The following CLCN1 variants were observed in gnomAD, a reference collection of about 807,000 sequenced individuals.
The protein encoded by CLCN1 is chloride channel protein 1.
In CLCN1, 100 loss-of-function variants were observed where a neutral mutation model predicts 114.5. The observed-to-expected ratio is 0.87, with a 90% CI of 0.74 to 1.03. The LOEUF is 1.03. CLCN1 is among the 50% of genes least tolerant of loss of function. The pLI is 0.00. For synonymous variants in CLCN1, 485 were observed against 487.1 expected (o/e 1.00, Z 0.06); for missense variants, 1,188 against 1,250.0 (o/e 0.95, Z 0.75).
In CLCN1 at chr7:143,345,706, G is replaced by A. The variant is rs971824036; in HGVS notation, c.2116G>A (p.Glu706Lys). The change falls in exon 17 of 23, where the codon GAG (glutamate) becomes AAG (lysine). Residue 706 changes from glutamate to lysine, a missense_variant. Physicochemically the swap from Glu to Lys is moderately conservative, Grantham distance 56 (BLOSUM62 1). Transcript: ENST00000343257. ...GLPGAPPGRP[E>K]SFAFVDEDED... ...CCCCGGCGCGCCTCCAGGCCGGCCC[G>A]AGTCCTTCGCCTTTGTGGATGAGGA... 7.0e-6 allele frequency: 11 copies of A among 1,566,940 alleles called. No homozygotes were observed. The highest frequency in any genetic ancestry group is 2.4e-5 in the South Asian group (2 of 84,976).
In CLCN1 at chr7:143,321,485, A is replaced by G. The variant is rs1802432204; in HGVS notation, c.554A>G (p.Gln185Arg). ...CTCTTCTGCCACCTCATCTCTCCCCAGGCTGTTGGTGAGAACTTGCCACCA... is the reference window on the plus strand; with the variant it reads ...CTCTTCTGCCACCTCATCTCTCCCCGGGCTGTTGGTGAGAACTTGCCACCA... The part of the protein sequence containing the change: ...SALFCHLISP[Q>R]AVGSGIPEMK... The change falls in exon 4 of 23, where the codon CAG becomes CGG. Residue 185 changes from glutamine to arginine, a missense_variant. Gln to Arg is a conservative substitution (Grantham distance 43, BLOSUM62 1). Transcript: ENST00000343257. The surrounding 1 kb of genome is among the most constrained non-coding windows in gnomAD (Gnocchi z 4.2). 6.2e-7 allele frequency: 1 copy of G among 1,613,786 alleles called. No homozygotes were observed. Among genetic ancestry groups the G allele is most frequent in the Non-Finnish European group, 8.5e-7 (1 of 1,179,992 alleles).
chr7:143,319,748 T>C lies in CLCN1; in HGVS notation c.181-7T>C. 6.2e-7 allele frequency: 1 copy of C among 1,613,930 alleles called. No individual in the cohort carries two copies. Among genetic ancestry groups the C allele is most frequent in the African/African-American group, 1.3e-5 (1 of 75,042 alleles). On this transcript the variant is annotated splice_polypyrimidine_tract_variant and splice_region_variant and intron_variant, in intron 1 of 22. Coordinates refer to ENST00000343257, the MANE Select transcript of CLCN1 (RefSeq NM_000083.3). ...AGGCAGACACTGATCATTCTCTCTCTGTCCAGATTTATGGCCATCACAAAG... is the reference window on the plus strand; with the variant it reads ...AGGCAGACACTGATCATTCTCTCTCCGTCCAGATTTATGGCCATCACAAAG...
Position 143,324,708 on chromosome 7 carries a change from G to C in CLCN1, c.853+216G>C, listed in dbSNP as rs868808087. On this transcript the variant is annotated intron_variant, in intron 7 of 22. Transcript: ENST00000343257. This position sits in a 1 kb window ranked among gnomAD's most constrained non-coding sequence, Gnocchi z 4.6. Reference sequence around the variant, plus strand: ...CAGATATTACAGAGGAGGAAGAGGAGAGAACTGAGTTACAGAGAGGGACAG... The same window carrying C: ...CAGATATTACAGAGGAGGAAGAGGACAGAACTGAGTTACAGAGAGGGACAG... Among the ~76,000 whole-genome samples, 1 of 152,234 alleles carries C rather than the reference G, an allele frequency of 6.6e-6. No individual in the cohort carries two copies. Among genetic ancestry groups the C allele is most frequent in the Admixed American group, 6.5e-5 (1 of 15,278 alleles).
At chr7:143,346,697 G>C in intron 19 of CLCN1, 39 bp downstream of exon 19, 1 of 1,540,488 alleles carries the variant, frequency 6.5e-7, no homozygotes, top group East Asian at 2.2e-5. Context: ...GGGAAAGGGA[G>C]CCTGCCCTTG....
At chr7:143,351,255 T>C (rs1803391030) in intron 22 of CLCN1, among the ~76,000 whole-genome samples, 1 of 151,926 alleles carries the variant, frequency 6.6e-6, no homozygotes. Flanking sequence ...GTTCCAGGCA[T>C]GAGTCACAGT....
chr7:143,332,178 G>GGTC (rs984322887), intron 10 of CLCN1, among the ~76,000 whole-genome samples: 3 of 152,186 alleles, frequency 2.0e-5, no homozygotes, highest in African/African-American at 7.2e-5. Context: ...TGGCCAGGCT[G>GGTC]GTCTTGAACT....
chr7:143,349,121 T>TAAGGCCAC (rs1325141121), intron 20 of CLCN1, among the ~76,000 whole-genome samples: 2 of 152,140 alleles, frequency 1.3e-5, no homozygotes, highest in Non-Finnish European at 2.9e-5. Context: ...AAACGGAACA[T>TAAGGCCAC]AAGGCCACAG....
intron 14 of CLCN1, among the ~76,000 whole-genome samples, chr7:143,341,452 G>A (rs990425806): frequency 2.6e-5 from 4 of 151,906 alleles, no homozygotes; most frequent in Non-Finnish European, 2.9e-5. Flanking sequence ...CTGGCTACTC[G>A]GAAGACTGAG....
chr7:143,341,868 T>G, intron 14 of CLCN1, 61 bp from the exon 15 acceptor site: 1 of 1,330,662 alleles, frequency 7.5e-7, no homozygotes, highest in Non-Finnish European at 1.1e-6. Flanking sequence ...CCCATCCCCA[T>G]ATGTCCTTCA....
rs781202009 is a variant in CLCN1 at position 143,345,705 on chromosome 7, C to G, written c.2115C>G (p.Pro705=). Reference sequence around the variant, plus strand: ...TCCCCGGCGCGCCTCCAGGCCGGCCCGAGTCCTTCGCCTTTGTGGATGAGG... The same window carrying G: ...TCCCCGGCGCGCCTCCAGGCCGGCCGGAGTCCTTCGCCTTTGTGGATGAGG... The part of the protein sequence containing the change: ...EGLPGAPPGR[P]ESFAFVDEDE... Residue 705 remains proline (P), a synonymous_variant, in exon 17 of 23, where the codon CCC becomes CCG. Transcript: ENST00000343257. 2 of 1,565,828 alleles carry G rather than the reference C, an allele frequency of 1.3e-6. No homozygotes were observed. Among genetic ancestry groups the G allele is most frequent in the South Asian group, 1.2e-5 (1 of 84,886 alleles).
At chr7:143,333,492 T>C (rs897441029) in intron 12 of CLCN1, among the ~76,000 whole-genome samples, 2 of 152,200 alleles carry the variant, frequency 1.3e-5, no homozygotes. Context: ...TTAAGCATTA[T>C]AAATAACTGT....
chr7:143,316,848 T>G (rs1802301691), intron 1 of CLCN1, among the ~76,000 whole-genome samples: 1 of 152,162 alleles, frequency 6.6e-6, no homozygotes, highest in Non-Finnish European at 1.5e-5. Flanking sequence ...AAGAAAGGAA[T>G]TGGGCAAGTG....
intron 12 of CLCN1, among the ~76,000 whole-genome samples, chr7:143,333,205 G>T (rs575468901): frequency 6.6e-6 from 1 of 152,184 alleles, no homozygotes; most frequent in African/African-American, 2.4e-5. Context: ...GGAGGCTGAC[G>T]CAGGAGAATC....
chr7:143,331,357 T>A, intron 9 of CLCN1, 41 bp downstream of exon 9: 1 of 1,438,822 alleles, frequency 7.0e-7, no homozygotes, highest in Non-Finnish European at 9.8e-7. Flanking sequence ...GAGCAGGGTG[T>A]GGAGTGAGGC....
chr7:143,345,821 C>G, intron 17 of CLCN1, 59 bp downstream of exon 17: 1 of 1,409,026 alleles, frequency 7.1e-7, no homozygotes, highest in South Asian at 1.2e-5. Context: ...GGAAAAGCGT[C>G]GTCTGGGCTG....
At chr7:143,328,989 ATG>A (rs1802650856) in intron 7 of CLCN1, among the ~76,000 whole-genome samples, 2 of 139,296 alleles carry the variant, frequency 1.4e-5, no homozygotes. Flanking sequence ...TTTTTTCAAG[ATG>A]GAGTCTTGCT....
intron 7 of CLCN1, among the ~76,000 whole-genome samples, chr7:143,325,690 G>C (rs1372452175): frequency 6.6e-6 from 1 of 152,186 alleles, no homozygotes; most frequent in Non-Finnish European, 1.5e-5. Flanking sequence ...GGAGACTTCT[G>C]TTGTTTTGTT....
rs1265242921 is a variant in CLCN1 at position 143,342,049 on chromosome 7, T to C, written c.1703T>C (p.Met568Thr). The C allele has an allele frequency of 6.2e-7, 1 of 1,614,142 alleles. No individual in the cohort carries two copies. The highest frequency in any genetic ancestry group is 8.5e-7 in the Non-Finnish European group (1 of 1,180,010). The change falls in exon 15 of 23, where the codon ATG (methionine) becomes ACG (threonine). Residue 568 changes from methionine to threonine, a missense_variant. Transcript: ENST00000343257. Reference protein sequence around the residue: ...PMMVAVILANMVAQSLQPSLY... With the variant: ...PMMVAVILANTVAQSLQPSLY... ...ATGGTGGCTGTTATCTTGGCCAACATGGTGGCCCAGAGCCTGCAGCCCTCT... is the reference window on the plus strand; with the variant it reads ...ATGGTGGCTGTTATCTTGGCCAACACGGTGGCCCAGAGCCTGCAGCCCTCT...
At chr7:143,335,604 A>G (rs987606713) in intron 12 of CLCN1, among the ~76,000 whole-genome samples, 5 of 150,434 alleles carry the variant, frequency 3.3e-5, no homozygotes, top group Non-Finnish European at 7.4e-5. Context: ...AATGTAGTCT[A>G]TGTGGTCTTC....
Sources: allele counts gnomAD v4.1 joint callset (sites outside exome capture counted in the v4.1 genomes callset), GRCh38; gene constraint gnomAD v4.1.1; non-coding constraint Gnocchi (gnomAD v3.1); transcripts MANE v1.5; gene names NCBI Gene and HGNC (gene_info 2026-07-23, HGNC 2026-07-21).